The following PLAAT1 variants were observed in gnomAD, a reference collection of about 807,000 sequenced individuals.
PLAAT1 encodes H-REV107 protein-related protein.
In PLAAT1, 13 loss-of-function variants were observed where a neutral mutation model predicts 16.4. The ratio of observed to expected loss-of-function variants is 0.79; its 90% CI spans 0.52 to 1.26. The LOEUF is 1.26. Ranked by LOEUF, PLAAT1 falls within the 50% of genes most tolerant of loss-of-function variation. The pLI is 0.00. For synonymous variants in PLAAT1, 73 were observed against 78.4 expected (o/e 0.93, Z 0.36); for missense variants, 218 against 207.8 (o/e 1.05, Z -0.30).
downstream of PLAAT1, among the ~76,000 whole-genome samples, chr3:193,271,574 C>G (rs1043603141): frequency 1.3e-5 from 2 of 152,144 alleles, no homozygotes; most frequent in Non-Finnish European, 2.9e-5. Flanking sequence ...CAGTGAAATT[C>G]TTGGTTGCAG....
chr3:193,260,802 G>A (rs1052774778), intron 2 of PLAAT1, among the ~76,000 whole-genome samples: 1 of 152,228 alleles, frequency 6.6e-6, no homozygotes, highest in East Asian at 1.9e-4. Context: ...TTATCAAAGA[G>A]CTTAAAAGAG....
At chr3:193,243,254 G>A (rs561711190) in intron 1 of PLAAT1, among the ~76,000 whole-genome samples, 14 of 152,228 alleles carry the variant, frequency 9.2e-5, no homozygotes, top group Middle Eastern at 3.4e-3. Flanking sequence ...GTCTTTAATT[G>A]GTTCTGTGTT....
downstream of PLAAT1, among the ~76,000 whole-genome samples, chr3:193,277,937 G>T (rs999286667): frequency 6.6e-6 from 1 of 152,182 alleles, no homozygotes; most frequent in Non-Finnish European, 1.5e-5. Context: ...CCAAGTAGCT[G>T]GGAATACAGG....
chr3:193,241,429 C>G lies in PLAAT1; in HGVS notation c.-105C>G, dbSNP rs775510263. ...TCTCCCGGGTACAGATGGAGTCGTC[C>G]CGCGGCCGCCGGCGGCAAGGTCGGC... On this transcript the variant is annotated 5_prime_UTR_variant, in exon 1 of 4. Coordinates refer to ENST00000264735, the MANE Select transcript of PLAAT1 (RefSeq NM_020386.5). The G allele has an allele frequency of 3.0e-4, 375 of 1,231,772 alleles. No individual in the cohort carries two copies. Among genetic ancestry groups the G allele is most frequent in the Non-Finnish European group, 3.6e-4 (354 of 988,036 alleles). The allele number at this position is 1,231,772 out of a possible 1,614,324, so 76.3% of individuals were successfully genotyped here.
intron 2 of PLAAT1, among the ~76,000 whole-genome samples, chr3:193,258,121 TCTATC>T (rs1716446092): frequency 6.6e-6 from 1 of 152,114 alleles, no homozygotes; most frequent in African/African-American, 2.4e-5. Flanking sequence ...CATATATACA[TCTATC>T]CTATTAGTCC....
intron 2 of PLAAT1, among the ~76,000 whole-genome samples, chr3:193,260,512 AT>A (rs1247388674): frequency 6.6e-6 from 1 of 152,166 alleles, no homozygotes; most frequent in African/African-American, 2.4e-5. Flanking sequence ...CATGTAAAAA[AT>A]AATCTAATTA....
At chr3:193,279,190 A>T (rs1228446748), downstream of PLAAT1, among the ~76,000 whole-genome samples, 16 of 152,246 alleles carry the variant, frequency 1.1e-4, no homozygotes. Context: ...TATGAAAACC[A>T]TTAGAGGCCA....
At chr3:193,272,266 A>AC (rs1415254790), downstream of PLAAT1, among the ~76,000 whole-genome samples, 6 of 151,828 alleles carry the variant, frequency 4.0e-5, no homozygotes, top group Non-Finnish European at 5.9e-5. Context: ...ACATGGTGAA[A>AC]CCCCGTCTCT....
chr3:193,240,654 C>CGTGTGGTGT (rs1553803501), upstream of PLAAT1, among the ~76,000 whole-genome samples: 1 of 88,570 alleles, frequency 1.1e-5, no homozygotes, highest in South Asian at 5.2e-4. Context: ...GGCTATCTGG[C>CGTGTGGTGT]GTGTGTGTGT....
chr3:193,249,178 G>A lies in PLAAT1; in HGVS notation c.1-6473G>A, dbSNP rs557106772. ...CTGCAGGGTTTCTGTTGAAAGATCTGATGGGGGTCCCCTTTTATGTAACAA... is the reference window on the plus strand; with the variant it reads ...CTGCAGGGTTTCTGTTGAAAGATCTAATGGGGGTCCCCTTTTATGTAACAA... On this transcript the variant is annotated intron_variant, in intron 1 of 3. Transcript: ENST00000264735. Among the ~76,000 whole-genome samples, 11 of 152,156 alleles carry A rather than the reference G, an allele frequency of 7.2e-5. 1 individual carries two copies. The South Asian group carries it at 2.3e-3, about 32-fold the overall frequency.
chr3:193,252,600 T>G (rs562541561), intron 1 of PLAAT1, among the ~76,000 whole-genome samples: 16 of 152,314 alleles, frequency 1.1e-4, no homozygotes, highest in African/African-American at 3.6e-4. Context: ...GATCATACTT[T>G]TGGTATCAAG....
At chr3:193,272,030 C>G (rs1158931940), downstream of PLAAT1, among the ~76,000 whole-genome samples, 1 of 152,118 alleles carries the variant, frequency 6.6e-6, no homozygotes, top group Non-Finnish European at 1.5e-5. Context: ...TTCCACTGGT[C>G]TTCTGTGGGG....
At chr3:193,281,105 A>G (rs1209307120), downstream of PLAAT1, 2 of 786,528 alleles carry the variant, frequency 2.5e-6, no homozygotes, top group Non-Finnish European at 3.1e-6. Context: ...GAAAAGTAGG[A>G]ATTGCATCTC....
downstream of PLAAT1, among the ~76,000 whole-genome samples, chr3:193,271,216 T>C (rs1344355595): frequency 6.6e-6 from 1 of 152,064 alleles, no homozygotes; most frequent in Admixed American, 6.5e-5. Context: ...CCTCATCTTC[T>C]TCCTGCCTGT....
intron 1 of PLAAT1, among the ~76,000 whole-genome samples, chr3:193,251,252 C>T (rs1240895128): frequency 6.6e-6 from 1 of 152,186 alleles, no homozygotes; most frequent in African/African-American, 2.4e-5. Flanking sequence ...CCTCCAGCCT[C>T]TTTTCCTTGA....
rs376985855 is a variant in PLAAT1 at position 193,248,352 on chromosome 3, T to A, written c.-1+6819T>A. Among the ~76,000 whole-genome samples the A allele has an allele frequency of 5.9e-3, 890 of 152,084 alleles. 11 individuals carry two copies. Among genetic ancestry groups the A allele is most frequent in the African/African-American group, 0.02 (848 of 41,496 alleles). ...TAGGCAGCATATAGTTGGGTCTTTTTTTTTAATCCATTGAACCATTCAATA... is the reference window on the plus strand; with the variant it reads ...TAGGCAGCATATAGTTGGGTCTTTTATTTTAATCCATTGAACCATTCAATA... On this transcript the variant is annotated intron_variant, in intron 1 of 3. Transcript: ENST00000264735.
downstream of PLAAT1, among the ~76,000 whole-genome samples, chr3:193,271,839 T>G (rs1716991486): frequency 6.6e-6 from 1 of 152,156 alleles, no homozygotes; most frequent in African/African-American, 2.4e-5. Flanking sequence ...ATTTAGATTT[T>G]ACCCCAGGGC....
chr3:193,279,596 A>C, downstream of PLAAT1: 1 of 640,768 alleles, frequency 1.6e-6, no homozygotes. Context: ...ATGTTTTGAA[A>C]TATGTTCTAA....
chr3:193,254,206 C>T (rs1000553871), intron 1 of PLAAT1, among the ~76,000 whole-genome samples: 6 of 152,106 alleles, frequency 3.9e-5, no homozygotes, highest in African/African-American at 1.2e-4. Flanking sequence ...GTTTCTGTGA[C>T]AGTGTGATGA....
Sources: allele counts gnomAD v4.1 joint callset (sites outside exome capture counted in the v4.1 genomes callset), GRCh38; gene constraint gnomAD v4.1.1; transcripts MANE v1.5; gene names NCBI Gene and HGNC (gene_info 2026-07-23, HGNC 2026-07-21).